Variants in CACNA2D3 observed in about 807,000 individuals in gnomAD.
CACNA2D3 encodes the protein calcium voltage-gated channel auxiliary subunit alpha2delta 3, also known as voltage-dependent calcium channel subunit alpha-2/delta-3.
In CACNA2D3, 60 loss-of-function variants were observed where a neutral mutation model predicts 160.6. That is an observed-to-expected ratio of 0.37 (90% CI 0.30 to 0.46). The LOEUF (loss-of-function observed/expected upper bound fraction) is 0.46, where lower values mean the gene tolerates loss of function less well. Among genes scored for constraint, CACNA2D3 ranks in the 20% least tolerant of loss-of-function variants. The pLI is 1.00. For synonymous variants in CACNA2D3, 558 were observed against 492.9 expected, an observed-to-expected ratio of 1.13 and a Z score of -1.75; for missense variants, 1,205 against 1,365.0, an observed-to-expected ratio of 0.88 and a Z score of 1.85.
intron 2 of CACNA2D3, among the ~76,000 whole-genome samples, chr3:54,285,004 G>A (rs1338596184): frequency 6.6e-6 from 1 of 152,214 alleles, no homozygotes; most frequent in Non-Finnish European, 1.5e-5. Flanking sequence ...CAGCATGAGC[G>A]ATGCAGAAGA....
intron 13 of CACNA2D3, among the ~76,000 whole-genome samples, chr3:54,801,925 A>C (rs1335556933): frequency 1.3e-5 from 2 of 152,236 alleles, no homozygotes; most frequent in African/African-American, 4.8e-5. Flanking sequence ...TGGAATACAT[A>C]GATACCATTT....
intron 4 of CACNA2D3, among the ~76,000 whole-genome samples, chr3:54,487,504 G>C (rs1701034067): frequency 6.6e-6 from 1 of 152,176 alleles, no homozygotes; most frequent in African/African-American, 2.4e-5. Context: ...CATATTATGA[G>C]GATAAGTGTG....
chr3:54,602,019 A>G (rs1703068492), intron 9 of CACNA2D3, among the ~76,000 whole-genome samples: 1 of 152,122 alleles, frequency 6.6e-6, no homozygotes, highest in African/African-American at 2.4e-5. Flanking sequence ...AAACACTGGT[A>G]GGCATTTATG....
chr3:54,856,739 T>C (rs544664614), intron 17 of CACNA2D3, among the ~76,000 whole-genome samples: 2 of 152,200 alleles, frequency 1.3e-5, no homozygotes. Flanking sequence ...CTTAGTTAGA[T>C]GGTCAGGGAG....
intron 27 of CACNA2D3, among the ~76,000 whole-genome samples, chr3:54,932,063 T>A (rs1701203248): frequency 6.6e-6 from 1 of 151,998 alleles, no homozygotes; most frequent in South Asian, 2.1e-4. Context: ...GCGCCTATAG[T>A]CTGAGCTACT....
At chr3:54,269,991 A>G (rs550582900) in intron 2 of CACNA2D3, among the ~76,000 whole-genome samples, 22 of 152,356 alleles carry the variant, frequency 1.4e-4, no homozygotes, top group Non-Finnish European at 2.8e-4. Context: ...ACAGAAAAAT[A>G]AAAGCATTCC....
chr3:54,918,562 G>T (rs1575371773), intron 27 of CACNA2D3: 1 of 1,613,928 alleles, frequency 6.2e-7, no homozygotes, highest in East Asian at 2.2e-5. Context: ...TGCCGCATAG[G>T]TGCAGCCATA....
chr3:55,053,131 CT>C (rs1704267796), intron 35 of CACNA2D3, among the ~76,000 whole-genome samples: 1 of 152,052 alleles, frequency 6.6e-6, no homozygotes, highest in Non-Finnish European at 1.5e-5. Flanking sequence ...GTTTCTTCCT[CT>C]TTGTAATCCC....
In CACNA2D3 at chr3:54,389,224, G is replaced by C. The variant is rs140950009; in HGVS notation, c.381+2450G>C. ...ACAGGAGAATCGCTTGAAGCTGGGAGGTGGATGTTGGAGTCAGCCGAGATC... is the reference window on the plus strand; with the variant it reads ...ACAGGAGAATCGCTTGAAGCTGGGACGTGGATGTTGGAGTCAGCCGAGATC... On this transcript the variant is annotated intron_variant, in intron 4 of 37. Coordinates refer to ENST00000474759, the MANE Select transcript of CACNA2D3 (RefSeq NM_018398.3). 1.7e-3 allele frequency among the ~76,000 whole-genome samples: 262 copies of C among 152,102 alleles called. 2 individuals carry two copies. The highest frequency in any genetic ancestry group is 6.0e-3 in the African/African-American group (248 of 41,480).
At chr3:54,386,055 G>A (rs898467351) in intron 3 of CACNA2D3, 6 of 445,206 alleles carry the variant, frequency 1.3e-5, no homozygotes, top group South Asian at 6.6e-5. Context: ...TTATGAAATG[G>A]GTTTCATAAG....
At position 54,863,155 on chromosome 3, in the gene CACNA2D3, G is replaced by A. The variant is rs114635949; in HGVS notation, c.1627-8384G>A. ...GGCTTTGGAGAAGGCATATATCCAC[G>A]TTCGAGAACTCAGTGCAGCCCTGTC... is the stretch of plus-strand genomic sequence containing the variant. On this transcript the variant is annotated intron_variant, in intron 17 of 37. Coordinates refer to ENST00000474759, the MANE Select transcript of CACNA2D3 (RefSeq NM_018398.3). Among the ~76,000 whole-genome samples, 674 of 152,280 alleles carry A rather than the reference G, an allele frequency of 4.4e-3. 7 individuals are homozygous for A. The highest frequency in any genetic ancestry group is 0.014 in the African/African-American group (582 of 41,552).
intron 9 of CACNA2D3, among the ~76,000 whole-genome samples, chr3:54,594,203 T>TA (rs1559521470): frequency 6.6e-6 from 1 of 152,186 alleles, no homozygotes; most frequent in Non-Finnish European, 1.5e-5. Flanking sequence ...GGCCTGATAG[T>TA]AAATATTCTA....
At chr3:54,284,105 T>C (rs1272305357) in intron 2 of CACNA2D3, among the ~76,000 whole-genome samples, 1 of 152,136 alleles carries the variant, frequency 6.6e-6, no homozygotes, top group Non-Finnish European at 1.5e-5. Flanking sequence ...TACTCTGATA[T>C]ATGTACTTAC....
intron 3 of CACNA2D3, among the ~76,000 whole-genome samples, chr3:54,347,208 C>T (rs1435009776): frequency 2.0e-5 from 3 of 152,228 alleles, no homozygotes. Context: ...ATTACCCCTT[C>T]ACCCCTCACA....
rs1209360031 is a variant in CACNA2D3 at position 54,237,561 on chromosome 3, ACTGGATCC to A, written c.205-82875_205-82868del. 2.0e-5 allele frequency among the ~76,000 whole-genome samples: 3 copies of A among 152,308 alleles called. No individual in the cohort carries two copies. In the East Asian group the frequency reaches 5.8e-4, roughly 29 times the overall value. On this transcript the variant is annotated intron_variant, in intron 2 of 37. Coordinates refer to ENST00000474759, the MANE Select transcript of CACNA2D3 (RefSeq NM_018398.3). The stretch of plus-strand genomic sequence containing the variant: ...GTAAAGATTAATCTTCACCCAAGCA[ACTGGATCC>A]CTGGAGCTTGGCTTTTATGAAGAGG...
At chr3:54,912,441 C>T (rs1306499009) in intron 27 of CACNA2D3, among the ~76,000 whole-genome samples, 1 of 152,066 alleles carries the variant, frequency 6.6e-6, no homozygotes, top group Non-Finnish European at 1.5e-5. Flanking sequence ...GCTCCTTCTA[C>T]TTCCCTTTTG....
intron 2 of CACNA2D3, among the ~76,000 whole-genome samples, chr3:54,296,842 G>A (rs75870864): frequency 0.045 from 6,800 of 152,284 alleles, 199 homozygotes; most frequent in Middle Eastern, 0.068. Flanking sequence ...TCCATGCGAA[G>A]TAAGGGGCAA....
intron 2 of CACNA2D3, among the ~76,000 whole-genome samples, chr3:54,285,631 C>T (rs1472932213): frequency 4.6e-5 from 7 of 152,350 alleles, no homozygotes; most frequent in Non-Finnish European, 8.8e-5. Context: ...CAGACTGCCT[C>T]CTCAAGTGGG....
At chr3:54,338,156 G>A (rs1704432360) in intron 3 of CACNA2D3, among the ~76,000 whole-genome samples, 2 of 152,366 alleles carry the variant, frequency 1.3e-5, no homozygotes, top group African/African-American at 2.4e-5. Flanking sequence ...GTTTTATTAT[G>A]GAGGTTAAAT....
Sources: allele counts gnomAD v4.1 joint callset (sites outside exome capture counted in the v4.1 genomes callset), GRCh38; gene constraint gnomAD v4.1.1; transcripts MANE v1.5; gene names NCBI Gene and HGNC (gene_info 2026-07-23, HGNC 2026-07-21).